The following ZNF354C variants were observed in gnomAD, a reference collection of about 807,000 sequenced individuals.
The protein encoded by ZNF354C is KRAB-zinc finger protein synten.
Under a neutral mutation model 12.4 loss-of-function variants are expected in ZNF354C, and 7 were observed. The ratio of observed to expected loss-of-function variants is 0.56; its 90% CI spans 0.32 to 1.06. ZNF354C has a LOEUF of 1.06. ZNF354C is among the 50% of genes least tolerant of loss of function. The pLI, the probability that ZNF354C is intolerant of heterozygous loss-of-function variation, is 0.04. For missense variants in ZNF354C, 609 were observed against 658.0 expected (o/e 0.93, Z 0.81); for synonymous variants, 202 against 224.5 (o/e 0.90, Z 0.90).
chr5:179,066,718 TTCTTATCCTTGTTCTC>T (rs1336819942), intron 2 of ZNF354C, among the ~76,000 whole-genome samples: 19 of 152,340 alleles, frequency 1.2e-4, no homozygotes, highest in Admixed American at 1.2e-3. Context: ...TCCACTGTCA[TTCTTATCCTTGTTCTC>T]TATAGGTAAG....
At position 179,080,832 on chromosome 5, in the gene ZNF354C, A is replaced by C. The variant is rs1279749726; in HGVS notation, c.*735A>C. On this transcript the variant is annotated 3_prime_UTR_variant, in exon 5 of 5. Transcript: ENST00000315475. ...CAGAGTACTATTACAGTACCGTAGA[A>C]GGCGGATTAACTGAAGCAGCTGGAA... 1 of 152,212 alleles carries C rather than the reference A, an allele frequency of 6.6e-6. No homozygotes were observed. Among genetic ancestry groups the C allele is most frequent in the Non-Finnish European group, 1.5e-5 (1 of 68,022 alleles). 9.4% of individuals were successfully genotyped at this position (152,212 alleles called of 1,614,324 possible). A position where few individuals can be genotyped will look rare whatever the true frequency, so the allele number is the denominator to read the frequency against.
In ZNF354C at chr5:179,070,475, G is replaced by C. The variant is rs1385120480; in HGVS notation, c.28-5970G>C. ...TACCATCTACTTTTCCATGACAACA[G>C]TATTCTCACAAGTCTGGTTTCCTAG... On this transcript the variant is annotated intron_variant, in intron 2 of 4. Transcript: ENST00000315475. Among the ~76,000 whole-genome samples the C allele has an allele frequency of 2.0e-5, 3 of 152,298 alleles. No individual in the cohort carries two copies. The South Asian group carries it at 6.2e-4, about 32-fold the overall frequency.
chr5:179,072,423 C>T (rs1216558391), intron 2 of ZNF354C, among the ~76,000 whole-genome samples: 5 of 151,896 alleles, frequency 3.3e-5, no homozygotes, highest in African/African-American at 1.2e-4. Context: ...CCTCAGTTAC[C>T]AATTAAATGA....
chr5:179,073,968 T>G (rs1762080903), intron 2 of ZNF354C, among the ~76,000 whole-genome samples: 1 of 151,932 alleles, frequency 6.6e-6, no homozygotes, highest in African/African-American at 2.4e-5. Flanking sequence ...TCAGCTTGTG[T>G]AAGTTTTTGT....
In ZNF354C at chr5:179,082,813, A is replaced by C; in HGVS notation, c.*2716A>C. The C allele has an allele frequency of 7.5e-7, 1 of 1,329,140 alleles. No individual in the cohort carries two copies. 82.3% of individuals were successfully genotyped at this position (1,329,140 alleles called of 1,614,324 possible). A position where few individuals can be genotyped will look rare whatever the true frequency, so the allele number is the denominator to read the frequency against. ...GTGATGTTCTTCAAGCGACTGACCA[A>C]CCGATCAGGTCGAGGAGCTGCAACA... On this transcript the variant is annotated 3_prime_UTR_variant, in exon 5 of 5. Transcript: ENST00000315475.
Position 179,079,499 on chromosome 5 carries a change from A to G in ZNF354C, c.1067A>G (p.Tyr356Cys), listed in dbSNP as rs1474482052. The G allele has an allele frequency of 1.9e-6, 3 of 1,614,186 alleles. No individual in the cohort carries two copies. The highest frequency in any genetic ancestry group is 1.3e-5 in the African/African-American group (1 of 75,070). The change falls in exon 5 of 5, where the codon TAT (tyrosine) becomes TGT (cysteine). Residue 356 changes from tyrosine (Y) to cysteine (C), a missense_variant. Coordinates refer to ENST00000315475, the MANE Select transcript of ZNF354C (RefSeq NM_014594.3). This position sits in a 1 kb window ranked among gnomAD's most constrained non-coding sequence, Gnocchi z 4.2. ...AGAATCCATACAGGTGAGAAACCCT[A>G]TAAATGTAGTGAGTGTGGGAAGGGA... is the stretch of plus-strand genomic sequence containing the variant. ...HQRIHTGEKP[Y>C]KCSECGKGYS...
chr5:179,080,342 G>T lies in ZNF354C; in HGVS notation c.*245G>T. 3.7e-6 allele frequency: 1 copy of T among 271,722 alleles called. No homozygotes were observed. The highest frequency in any genetic ancestry group is 4.8e-5 in the Admixed American group (1 of 20,626). The allele number at this position is 271,722 out of a possible 1,614,324, so 16.8% of individuals were successfully genotyped here. On this transcript the variant is annotated 3_prime_UTR_variant, in exon 5 of 5. Transcript: ENST00000315475. ...TTAATTCATAGAAAAAATGTAAAAG[G>T]TCTTTTTAAAAATCATGAAAAATAG...
intron 2 of ZNF354C, among the ~76,000 whole-genome samples, chr5:179,066,802 T>A (rs915848441): frequency 6.6e-6 from 1 of 152,216 alleles, no homozygotes; most frequent in Non-Finnish European, 1.5e-5. Context: ...TCTGCAGTTT[T>A]CATATAATAT....
In ZNF354C at chr5:179,062,062, G is replaced by A. The variant is rs1761901281; in HGVS notation, c.-7G>A. 1.2e-6 allele frequency: 2 copies of A among 1,614,090 alleles called. No homozygotes were observed. Among genetic ancestry groups the A allele is most frequent in the Non-Finnish European group, 1.7e-6 (2 of 1,180,040 alleles). On this transcript the variant is annotated 5_prime_UTR_variant, in exon 2 of 5. Coordinates refer to ENST00000315475, the MANE Select transcript of ZNF354C (RefSeq NM_014594.3). ...TCTCCCTGGGCAGGAAGACTGAGGA[G>A]GAAGGGATGGCTGTGGATCTGCTGT...
At chr5:179,074,999 T>A (rs1762098173) in intron 2 of ZNF354C, among the ~76,000 whole-genome samples, 1 of 152,176 alleles carries the variant, frequency 6.6e-6, no homozygotes, top group South Asian at 2.1e-4. Context: ...GGTTCACACC[T>A]GTAAGTCCAG....
chr5:179,079,517 G>A lies in ZNF354C; in HGVS notation c.1085G>A (p.Gly362Glu). Residue 362 changes from glycine to glutamate, a missense_variant, in exon 5 of 5, where the codon GGG (glycine) becomes GAG (glutamate). Coordinates refer to ENST00000315475, the MANE Select transcript of ZNF354C (RefSeq NM_014594.3). The surrounding 1 kb of genome is among the most constrained non-coding windows in gnomAD (Gnocchi z 4.2). ...AAACCCTATAAATGTAGTGAGTGTGGGAAGGGATACAGCCAGTTTACATCT... is the reference window on the plus strand; with the variant it reads ...AAACCCTATAAATGTAGTGAGTGTGAGAAGGGATACAGCCAGTTTACATCT... ...GEKPYKCSECGKGYSQFTSLA... is the reference protein window; with the variant it reads ...GEKPYKCSECEKGYSQFTSLA... 1 of 1,614,150 alleles carries A rather than the reference G, an allele frequency of 6.2e-7. No homozygotes were observed.
Position 179,079,076 on chromosome 5 carries a change from C to T in ZNF354C, c.644C>T (p.Pro215Leu), listed in dbSNP as rs771955771. 16 of 1,613,710 alleles carry T rather than the reference C, an allele frequency of 9.9e-6. No homozygotes were observed. In the East Asian group the frequency reaches 3.6e-4, roughly 36 times the overall value. The change falls in exon 5 of 5, where the codon CCT (proline) becomes CTT (leucine). Residue 215 changes from proline (P) to leucine (L), a missense_variant. By Grantham distance (98) the Pro-to-Leu change is moderately conservative. Transcript: ENST00000315475. This position sits in a 1 kb window ranked among gnomAD's most constrained non-coding sequence, Gnocchi z 4.2. ...TTCCAGATTTACCCAGGAGGAAAAC[C>T]TCACATCTGTAATGAATGTGGGAAG... ...KCFQIYPGGK[P>L]HICNECGKSF...
intron 2 of ZNF354C, among the ~76,000 whole-genome samples, chr5:179,075,420 C>CAA (rs201816506): frequency 3.4e-5 from 5 of 145,334 alleles, no homozygotes; most frequent in African/African-American, 1.3e-4. Flanking sequence ...GACTCCATCT[C>CAA]AAAAAAAAAA....
Position 179,078,778 on chromosome 5 carries a change from A to G in ZNF354C, c.346A>G (p.Lys116Glu). The change falls in exon 5 of 5, where the codon AAG (lysine) becomes GAG (glutamate). Residue 116 changes from lysine to glutamate, a missense_variant. Transcript: ENST00000315475. ...GGGAATGGTAAAGAAAGAATCCATT[A>G]AGGATGGTCACTGGGACATTAACTT... ...SQGMVKKESI[K>E]DGHWDINFEE... 6.2e-7 allele frequency: 1 copy of G among 1,614,064 alleles called. No individual in the cohort carries two copies. Among genetic ancestry groups the G allele is most frequent in the Non-Finnish European group, 8.5e-7 (1 of 1,179,978 alleles).
Position 179,078,902 on chromosome 5 carries a change from A to T in ZNF354C, c.470A>T (p.Asp157Val), listed in dbSNP as rs1200540574. 8.7e-6 allele frequency: 14 copies of T among 1,614,048 alleles called. No homozygotes were observed. Among genetic ancestry groups the T allele is most frequent in the Non-Finnish European group, 1.1e-5 (13 of 1,180,020 alleles). ...IDSHEKTISE[D>V]GNHTSLELGK... The stretch of plus-strand genomic sequence containing the variant: ...TCGCATGAGAAAACCATCAGTGAAG[A>T]TGGAAACCATACAAGTCTTGAATTG... The change falls in exon 5 of 5, where the codon GAT becomes GTT. Residue 157 changes from aspartate to valine, a missense_variant. By Grantham distance (152) the Asp-to-Val change is radical. Coordinates refer to ENST00000315475, the MANE Select transcript of ZNF354C (RefSeq NM_014594.3).
Position 179,079,423 on chromosome 5 carries a change from G to A in ZNF354C, c.991G>A (p.Gly331Ser), listed in dbSNP as rs149169026. 14 of 1,613,224 alleles carry A rather than the reference G, an allele frequency of 8.7e-6. No homozygotes were observed. Among genetic ancestry groups the A allele is most frequent in the African/African-American group, 1.3e-5 (1 of 74,642 alleles). The stretch of plus-strand genomic sequence containing the variant: ...TACTGGAGAGAAACTCTATAAATGC[G>A]GCGAATGTGAGAAGGCCTTCAACTG... ...IHTGEKLYKC[G>S]ECEKAFNCRA... The change falls in exon 5 of 5, where the codon GGC (glycine) becomes AGC (serine). Residue 331 changes from glycine (G) to serine (S), a missense_variant. Coordinates refer to ENST00000315475, the MANE Select transcript of ZNF354C (RefSeq NM_014594.3). This position sits in a 1 kb window ranked among gnomAD's most constrained non-coding sequence, Gnocchi z 4.2.
chr5:179,064,965 A>T (rs935082204), intron 2 of ZNF354C, among the ~76,000 whole-genome samples: 1 of 152,216 alleles, frequency 6.6e-6, no homozygotes, highest in East Asian at 1.9e-4. Context: ...GAAAAGGCAC[A>T]TGGAATTTGG....
intron 1 of ZNF354C, among the ~76,000 whole-genome samples, chr5:179,061,003 G>T (rs1345618732): frequency 1.3e-5 from 2 of 152,224 alleles, no homozygotes; most frequent in African/African-American, 4.8e-5. Flanking sequence ...GGCAGGTCAC[G>T]ACCTCCTGGT....
chr5:179,078,550 A>AT, intron 4 of ZNF354C, 133 bp from the exon 5 acceptor site: 1 of 708,870 alleles, frequency 1.4e-6, no homozygotes, highest in South Asian at 2.0e-5. Context: ...TCTTCCCAAG[A>AT]TTCAAGTCAG....
Sources: allele counts gnomAD v4.1 joint callset (sites outside exome capture counted in the v4.1 genomes callset), GRCh38; gene constraint gnomAD v4.1.1; non-coding constraint Gnocchi (gnomAD v3.1); transcripts MANE v1.5; gene names NCBI Gene and HGNC (gene_info 2026-07-23, HGNC 2026-07-21).